Variants in MYO9B observed in about 807,000 individuals in gnomAD.
The protein encoded by MYO9B is unconventional myosin-IXb.
MYO9B carries 71 observed loss-of-function variants against 229.5 expected under a neutral mutation model. The observed-to-expected ratio is 0.31, with a 90% CI of 0.26 to 0.38. The LOEUF (loss-of-function observed/expected upper bound fraction) is 0.38, where lower values mean the gene tolerates loss of function less well. Ranked by LOEUF, MYO9B falls within the 10% of genes least tolerant of loss-of-function variation. The pLI is 1.00. For synonymous variants in MYO9B, 1,185 were observed against 1,235.8 expected, an observed-to-expected ratio of 0.96 and a Z score of 0.86; for missense variants, 2,255 against 2,920.5, an observed-to-expected ratio of 0.77 and a Z score of 5.25.
Position 17,096,754 on chromosome 19 carries a change from G to A in MYO9B, c.-58-4906G>A, listed in dbSNP as rs570626887. On this transcript the variant is annotated intron_variant, in intron 1 of 39. Transcript: ENST00000682292. ...GGAGTCTCGCTCTGTCGCCCAGGCT[G>A]GAGTGCAGTGGCATGATCTCAGCTC... Among the ~76,000 whole-genome samples the A allele has an allele frequency of 8.5e-5, 12 of 141,964 alleles. No individual in the cohort carries two copies. The East Asian group carries it at 2.6e-3, about 30-fold the overall frequency. 93.1% of individuals were successfully genotyped at this position (141,964 alleles called of 152,430 possible).
chr19:17,201,803 G>C, intron 26 of MYO9B, 123 bp from the exon 27 acceptor site: 1 of 709,590 alleles, frequency 1.4e-6, no homozygotes, highest in South Asian at 1.8e-5. Flanking sequence ...AGAGGGACTG[G>C]ATTTTATCCC....
chr19:17,151,666 C>T (rs1382904677), intron 3 of MYO9B, among the ~76,000 whole-genome samples: 1 of 152,178 alleles, frequency 6.6e-6, no homozygotes, highest in African/African-American at 2.4e-5. Flanking sequence ...CCTGTAATCC[C>T]AACACTTCAG....
At chr19:17,176,188 C>G (rs900718882) in intron 14 of MYO9B, among the ~76,000 whole-genome samples, 10 of 152,124 alleles carry the variant, frequency 6.6e-5, no homozygotes, top group African/African-American at 2.4e-4. Flanking sequence ...CGCCACCACA[C>G]CCGGCTAATT....
At chr19:17,121,001 G>A (rs1164651295) in intron 2 of MYO9B, among the ~76,000 whole-genome samples, 1 of 152,146 alleles carries the variant, frequency 6.6e-6, no homozygotes, top group Admixed American at 6.5e-5. Flanking sequence ...GGAGTGCAAT[G>A]GTGTGATCTC....
chr19:17,184,772 C>G, intron 16 of MYO9B, 93 bp from the exon 17 acceptor site: 1 of 1,549,258 alleles, frequency 6.5e-7, no homozygotes, highest in South Asian at 1.1e-5. Flanking sequence ...TGCGGGGACG[C>G]TGTTCTGCCC....
chr19:17,092,181 C>G (rs1042732496), intron 1 of MYO9B, among the ~76,000 whole-genome samples: 2 of 152,214 alleles, frequency 1.3e-5, no homozygotes, highest in Non-Finnish European at 2.9e-5. Flanking sequence ...CAGAGCTGCT[C>G]TCTGCTGTGA....
intron 2 of MYO9B, among the ~76,000 whole-genome samples, chr19:17,126,111 C>T (rs527807751): frequency 1.2e-4 from 19 of 152,308 alleles, no homozygotes; most frequent in African/African-American, 4.1e-4. Context: ...CTCATTCCCT[C>T]GGCCCCGCCT....
At chr19:17,087,276 C>T (rs2123458928) in intron 1 of MYO9B, among the ~76,000 whole-genome samples, 1 of 151,942 alleles carries the variant, frequency 6.6e-6, no homozygotes, top group East Asian at 2.0e-4. Flanking sequence ...TGAAAGAACA[C>T]ATACCTGGGA....
intron 2 of MYO9B, among the ~76,000 whole-genome samples, chr19:17,141,742 G>A (rs950431238): frequency 2.0e-5 from 3 of 152,196 alleles, no homozygotes; most frequent in Non-Finnish European, 2.9e-5. Context: ...TGGACAGAGT[G>A]TAGGTGTCCC....
chr19:17,152,763 C>A (rs1439416575), intron 4 of MYO9B, 57 bp downstream of exon 4: 2 of 1,449,446 alleles, frequency 1.4e-6, no homozygotes, highest in Non-Finnish European at 1.9e-6. Context: ...ACGTTTCCTC[C>A]TACAGAGGAG....
At chr19:17,206,226 A>ATCC in intron 32 of MYO9B, 22 bp from the exon 33 acceptor site, 20 of 654,194 alleles carry the variant, frequency 3.1e-5, no homozygotes, top group Admixed American at 4.6e-5. Flanking sequence ...CGCTCACCAG[A>ATCC]CCCACCCCAC....
intron 2 of MYO9B, among the ~76,000 whole-genome samples, chr19:17,119,069 G>A (rs993703441): frequency 5.9e-5 from 9 of 152,174 alleles, no homozygotes; most frequent in African/African-American, 2.2e-4. Context: ...GCAAGATGTG[G>A]GGGTTTGAGT....
intron 2 of MYO9B, among the ~76,000 whole-genome samples, chr19:17,132,880 G>T (rs752702806): frequency 6.9e-6 from 1 of 143,930 alleles, no homozygotes; most frequent in African/African-American, 2.6e-5. Flanking sequence ...ACGGAGTCTC[G>T]CTCTGTCACC....
At position 17,202,314 on chromosome 19, in the gene MYO9B, C is replaced by T; in HGVS notation, c.4836+11C>T. On this transcript the variant is annotated intron_variant, in intron 28 of 39. Coordinates refer to ENST00000682292, the MANE Select transcript of MYO9B (RefSeq NM_004145.4). ...TTCGAGCCAGTGAAGGTGGGCAGCC[C>T]AGCATGCCACGCCCACCTGTGACAT... The T allele has an allele frequency of 6.4e-7, 1 of 1,552,186 alleles. No homozygotes were observed. The highest frequency in any genetic ancestry group is 1.4e-5 in the African/African-American group (1 of 73,158).
intron 14 of MYO9B, among the ~76,000 whole-genome samples, chr19:17,178,172 T>TG (rs1335010217): frequency 6.6e-6 from 1 of 152,226 alleles, no homozygotes; most frequent in Non-Finnish European, 1.5e-5. Flanking sequence ...ACCCCTCTGT[T>TG]GCCTTTGCTC....
chr19:17,131,662 G>A (rs535382138), intron 2 of MYO9B, among the ~76,000 whole-genome samples: 2 of 152,218 alleles, frequency 1.3e-5, no homozygotes, highest in South Asian at 2.1e-4. Flanking sequence ...TTTGGAAGGC[G>A]GCCAGACTTC....
At chr19:17,083,877 G>A (rs953616439) in intron 1 of MYO9B, among the ~76,000 whole-genome samples, 2 of 151,652 alleles carry the variant, frequency 1.3e-5, no homozygotes, top group Non-Finnish European at 2.9e-5. Flanking sequence ...TCTTGAATTC[G>A]TGACCTCAGG....
At position 17,205,395 on chromosome 19, in the gene MYO9B, C is replaced by G. The variant is rs761580466; in HGVS notation, c.5064+59C>G. 193 of 1,534,510 alleles carry G rather than the reference C, an allele frequency of 1.3e-4. 1 individual carries two copies. Among genetic ancestry groups the G allele is most frequent in the Middle Eastern group, 3.4e-4 (2 of 5,910 alleles). On this transcript the variant is annotated intron_variant, in intron 31 of 39. Transcript: ENST00000682292. Reference sequence around the variant, plus strand: ...ACACTCCACTCACGGCCAGGTGCACCAGGAGGTGGTGCTTGATGTGAGGGC... The same window carrying G: ...ACACTCCACTCACGGCCAGGTGCACGAGGAGGTGGTGCTTGATGTGAGGGC...
chr19:17,198,768 C>T (rs111366154), intron 24 of MYO9B, among the ~76,000 whole-genome samples: 6,033 of 147,978 alleles, frequency 0.041, 177 homozygotes, highest in Non-Finnish European at 0.069. Flanking sequence ...GCCTCTAGGG[C>T]AGGATCCTTC....
Sources: gnomAD v4.1 joint callset for allele counts (sites outside exome capture counted in the v4.1 genomes callset) on GRCh38, gnomAD v4.1.1 for gene constraint, MANE v1.5 for transcripts, NCBI Gene and HGNC (gene_info 2026-07-23, HGNC 2026-07-21) for gene names.